Variants in FOXJ3 observed in about 807,000 individuals in gnomAD.
FOXJ3 encodes forkhead box J3, also known as forkhead box protein J3.
In FOXJ3, 22 loss-of-function variants were observed where a neutral mutation model predicts 76.1. The observed-to-expected ratio is 0.29, with a 90% CI of 0.21 to 0.41. The LOEUF is 0.41. FOXJ3 is among the 10% of genes least tolerant of loss of function. The pLI, the probability that FOXJ3 is intolerant of heterozygous loss-of-function variation, is 1.00. For synonymous variants in FOXJ3, 269 were observed against 261.2 expected, an observed-to-expected ratio of 1.03 and a Z score of -0.29; for missense variants, 613 against 762.1, an observed-to-expected ratio of 0.80 and a Z score of 2.30.
chr1:42,226,595 G>A (rs946174598), intron 5 of FOXJ3, among the ~76,000 whole-genome samples: 2 of 151,314 alleles, frequency 1.3e-5, no homozygotes, highest in African/African-American at 2.4e-5. Flanking sequence ...GTGACAGAGC[G>A]AGACTCCATC....
At chr1:42,295,694 G>C (rs1246254791) in intron 2 of FOXJ3, among the ~76,000 whole-genome samples, 1 of 151,616 alleles carries the variant, frequency 6.6e-6, no homozygotes, top group African/African-American at 2.4e-5. Context: ...TTGTCTGAGT[G>C]ATTTTTCTAT....
At chr1:42,250,011 T>C (rs902571802) in intron 4 of FOXJ3, among the ~76,000 whole-genome samples, 3 of 152,154 alleles carry the variant, frequency 2.0e-5, no homozygotes, top group Non-Finnish European at 4.4e-5. Context: ...TAGTACAGTA[T>C]AGCTTGAATA....
intron 4 of FOXJ3, among the ~76,000 whole-genome samples, chr1:42,246,319 T>C (rs1383786827): frequency 6.6e-6 from 1 of 151,904 alleles, no homozygotes; most frequent in Non-Finnish European, 1.5e-5. Context: ...ATTATTTACA[T>C]GCACATACAC....
rs4019587 is a variant in FOXJ3 at position 42,248,730 on chromosome 1, C to CTTTT, written c.444+16381_444+16384dup. Among the ~76,000 whole-genome samples the CTTTT allele has an allele frequency of 3.7e-4, 34 of 92,236 alleles. 1 individual carries two copies. The highest frequency in any genetic ancestry group is 1.3e-3 in the African/African-American group (33 of 24,768). The allele number at this position is 92,236 out of a possible 152,430, so 60.5% of individuals were successfully genotyped here. On this transcript the variant is annotated intron_variant, in intron 4 of 12. Transcript: ENST00000361346. The stretch of plus-strand genomic sequence containing the variant: ...AAAGAACTCAAGTCTCCTGTTTTTT[C>CTTTT]TTTTTTTTTTTTTTTTTTTTTTTTT...
At chr1:42,322,160 G>C (rs1401003934) in intron 1 of FOXJ3, among the ~76,000 whole-genome samples, 1 of 152,086 alleles carries the variant, frequency 6.6e-6, no homozygotes, top group Admixed American at 6.6e-5. Flanking sequence ...AAGGTGGGGA[G>C]AGTGGGAAGT....
At chr1:42,225,184 A>C (rs1456128289) in intron 5 of FOXJ3, among the ~76,000 whole-genome samples, 2 of 152,200 alleles carry the variant, frequency 1.3e-5, no homozygotes, top group East Asian at 3.8e-4. Context: ...ACAGAATTTC[A>C]ATGTTTACAT....
chr1:42,214,055 TAAAAC>T (rs1351637411), intron 5 of FOXJ3, among the ~76,000 whole-genome samples: 3 of 151,710 alleles, frequency 2.0e-5, no homozygotes, highest in African/African-American at 7.3e-5. Context: ...AAAAATAAAA[TAAAAC>T]AAAGTAAAAA....
chr1:42,231,791 C>A (rs1424616403), intron 4 of FOXJ3, among the ~76,000 whole-genome samples: 2 of 152,070 alleles, frequency 1.3e-5, no homozygotes, highest in Admixed American at 6.5e-5. Flanking sequence ...CCACACCCCA[C>A]CCCCACGCCT....
At chr1:42,244,462 A>G (rs1390741162) in intron 4 of FOXJ3, among the ~76,000 whole-genome samples, 1 of 152,174 alleles carries the variant, frequency 6.6e-6, no homozygotes, top group Non-Finnish European at 1.5e-5. Context: ...GGCTGCAATG[A>G]GCTAGGATCG....
chr1:42,201,827 C>T (rs1278042556), intron 6 of FOXJ3, among the ~76,000 whole-genome samples: 2 of 152,018 alleles, frequency 1.3e-5, no homozygotes. Flanking sequence ...TATAAGAATT[C>T]CTTGAAGCTT....
At chr1:42,236,444 C>T (rs1487978867) in intron 4 of FOXJ3, among the ~76,000 whole-genome samples, 2 of 152,222 alleles carry the variant, frequency 1.3e-5, no homozygotes, top group African/African-American at 4.8e-5. Flanking sequence ...TATCTTCCCA[C>T]CTAGGCATCC....
At chr1:42,300,015 A>C (rs945919525) in intron 2 of FOXJ3, among the ~76,000 whole-genome samples, 1 of 152,102 alleles carries the variant, frequency 6.6e-6, no homozygotes, top group Admixed American at 6.5e-5. Flanking sequence ...TGCCTGGCCA[A>C]TATGGTGAAA....
chr1:42,333,437 A>T (rs1372298004), intron 1 of FOXJ3, among the ~76,000 whole-genome samples: 2 of 152,202 alleles, frequency 1.3e-5, no homozygotes, highest in African/African-American at 2.4e-5. Context: ...AAGCATGAGA[A>T]ACTTCCCAGT....
intron 5 of FOXJ3, among the ~76,000 whole-genome samples, chr1:42,224,378 A>C (rs1279871649): frequency 7.1e-6 from 1 of 141,604 alleles, no homozygotes; most frequent in Non-Finnish European, 1.5e-5. Context: ...CAGAGAGCAC[A>C]CACAGGCTTA....
At chr1:42,234,763 T>C (rs945003528) in intron 4 of FOXJ3, among the ~76,000 whole-genome samples, 1 of 152,168 alleles carries the variant, frequency 6.6e-6, no homozygotes, top group African/African-American at 2.4e-5. Flanking sequence ...CTGGAAGTTT[T>C]GTCTCAGAGG....
intron 4 of FOXJ3, among the ~76,000 whole-genome samples, chr1:42,254,925 T>C (rs12088643): frequency 0.017 from 2,561 of 150,988 alleles, 67 homozygotes; most frequent in African/African-American, 0.06. Flanking sequence ...GTAACTAACC[T>C]GCACATTGTG....
At chr1:42,281,617 T>C (rs184617578) in intron 2 of FOXJ3, among the ~76,000 whole-genome samples, 4 of 152,356 alleles carry the variant, frequency 2.6e-5, no homozygotes, top group Admixed American at 2.0e-4. Context: ...TGCAATTTCT[T>C]AAATTTTATA....
intron 1 of FOXJ3, among the ~76,000 whole-genome samples, chr1:42,324,103 T>TATATATACAGTATATATACA: frequency 1.1e-5 from 1 of 88,324 alleles, no homozygotes; most frequent in Admixed American, 1.3e-4. Flanking sequence ...ATATATACTG[T>TATATATACAGTATATATACA]GTATATACAC....
rs1249223913 is a variant in FOXJ3, at chr1:42,177,617, G to A, written c.*2093C>T. On this transcript the variant is annotated 3_prime_UTR_variant, in exon 13 of 13. Coordinates refer to ENST00000361346, the MANE Select transcript of FOXJ3 (RefSeq NM_014947.5). ...CCTCTGATTTTCGTTGATCCAAGGG[G>A]CTGGAACTGAGCTTCCTTTTTCATG... 1.3e-5 allele frequency: 2 copies of A among 152,426 alleles called. No homozygotes were observed. Among genetic ancestry groups the A allele is most frequent in the African/African-American group, 4.8e-5 (2 of 41,360 alleles). The allele number at this position is 152,426 out of a possible 1,614,324, so 9.4% of individuals were successfully genotyped here. A position where few individuals can be genotyped will look rare whatever the true frequency, so the allele number is the denominator to read the frequency against.
Sources: gnomAD v4.1 joint callset for allele counts (sites outside exome capture counted in the v4.1 genomes callset) on GRCh38, gnomAD v4.1.1 for gene constraint, MANE v1.5 for transcripts, NCBI Gene and HGNC (gene_info 2026-07-23, HGNC 2026-07-21) for gene names.